LST1: variants seen among roughly 807,000 people sequenced by gnomAD.
The protein encoded by LST1 is leukocyte specific transcript 1, also known as leukocyte-specific transcript 1 protein.
In LST1, 9 loss-of-function variants were observed where a neutral mutation model predicts 8.5. The ratio of observed to expected loss-of-function variants is 1.06; its 90% CI spans 0.64 to 1.85. The LOEUF is 1.85. Ranked by LOEUF, LST1 falls within the 40% of genes most tolerant of loss-of-function variation. The pLI is 0.00. For missense variants in LST1, 121 were observed against 117.1 expected (o/e 1.03, Z -0.16); for synonymous variants, 53 against 50.4 (o/e 1.05, Z -0.21).
chr6:31,586,967 G>T, intron 1 of LST1: 1 of 481,296 alleles, frequency 2.1e-6, no homozygotes, highest in Non-Finnish European at 3.8e-6. Context: ...GAAAGGGCTG[G>T]GCTCTGGAGT....
At chr6:31,588,374 AAGAGAGAGAGAG>A (rs9279359) in intron 4 of LST1, 132 bp from the exon 5 acceptor site, 6 of 627,360 alleles carry the variant, frequency 9.6e-6, no homozygotes, top group African/African-American at 4.1e-5. Flanking sequence ...CCAAAGAAAA[AAGAGAGAGAGAG>A]AGAGAGAGAG....
At position 31,587,711 on chromosome 6, in the gene LST1, C is replaced by T. The variant is rs1315976258; in HGVS notation, c.90C>T (p.Cys30=). The T allele has an allele frequency of 2.5e-6, 4 of 1,602,310 alleles. No homozygotes were observed. The highest frequency in any genetic ancestry group is 1.3e-5 in the African/African-American group (1 of 74,746). The change falls in exon 3 of 5, where the codon TGC becomes TGT. Residue 30 remains cysteine, a synonymous_variant. Transcript: ENST00000438075. ...TGGCAGTGGTCCTTCTGTCCGCCTG[C>T]CTGTGTTGGCTGCATCGAAGAGGTG... The part of the protein sequence containing the change: ...LLLAVVLLSA[C]LCWLHRRVKR...
At chr6:31,586,396 G>A (rs913858404) in intron 1 of LST1, 81 bp downstream of exon 1, 1 of 152,234 alleles carries the variant, frequency 6.6e-6, no homozygotes, top group Non-Finnish European at 1.5e-5. Context: ...AGGGGAGGGA[G>A]AGTATGGGTT....
Position 31,588,730 on chromosome 6 carries a change from C to G in LST1, c.*54C>G. The stretch of plus-strand genomic sequence containing the variant: ...CGGGTGGACAGGGTCCCCCTGTGGT[C>G]CAGCCAGTAAAAACCATGGTCCCCC... On this transcript the variant is annotated 3_prime_UTR_variant, in exon 5 of 5. Transcript: ENST00000438075. 1 of 1,598,348 alleles carries G rather than the reference C, an allele frequency of 6.3e-7. No homozygotes were observed. The highest frequency in any genetic ancestry group is 8.6e-7 in the Non-Finnish European group (1 of 1,166,632).
chr6:31,588,207 AAAGAG>A, intron 4 of LST1: 1 of 578,080 alleles, frequency 1.7e-6, no homozygotes, highest in Non-Finnish European at 3.1e-6. Flanking sequence ...AGAGAGACAC[AAAGAG>A]AAGAGCAATG....
At chr6:31,588,166 G>A (rs933008881) in intron 4 of LST1, 200 bp downstream of exon 4, 3 of 590,540 alleles carry the variant, frequency 5.1e-6, no homozygotes, top group Non-Finnish European at 8.8e-6. Context: ...GTGAGACAGA[G>A]GATAGGAGAG....
At chr6:31,587,922 T>G (rs762708380) in intron 3 of LST1, 22 bp from the exon 4 acceptor site, 2 of 1,608,758 alleles carry the variant, frequency 1.2e-6, no homozygotes, top group African/African-American at 1.3e-5. Flanking sequence ...TGGGCTGTGT[T>G]GAGCTTCTTC....
In LST1 at chr6:31,588,540, AACTCC is replaced by A; in HGVS notation, c.162_166del (p.His55CysfsTer12). ...CAGGCCCAGGGCTCCTCAGAGCAGG[AACTCC>A]ACTATGCATCTCTGCAGAGGCTGCC... is the stretch of plus-strand genomic sequence containing the variant. On this transcript the variant is annotated frameshift_variant, in exon 5 of 5. Coordinates refer to ENST00000438075, the MANE Select transcript of LST1 (RefSeq NM_205839.3). LOFTEE classifies it low-confidence loss of function (END_TRUNC). The A allele has an allele frequency of 2.5e-6, 4 of 1,610,514 alleles. No homozygotes were observed. The highest frequency in any genetic ancestry group is 3.4e-6 in the Non-Finnish European group (4 of 1,178,864).
intron 2 of LST1, 77 bp from the exon 3 acceptor site, chr6:31,587,564 A>C (rs146938426): frequency 6.4e-6 from 6 of 944,072 alleles, no homozygotes; most frequent in South Asian, 3.1e-5. Flanking sequence ...GAATCTGAGA[A>C]AGCTGCAACC....
At position 31,588,375 on chromosome 6, in the gene LST1, AGAGAGAGAGAGAGAGAGAGAGAGAGAGG is replaced by A. The variant is rs1220263391; in HGVS notation, c.136-123_136-96del. 74 of 275,578 alleles carry A rather than the reference AGAGAGAGAGAGAGAGAGAGAGAGAGAGG, an allele frequency of 2.7e-4. No homozygotes were observed. In the African/African-American group the frequency reaches 3.4e-3, roughly 13 times the overall value. The allele number at this position is 275,578 out of a possible 1,614,324, so 17.1% of individuals were successfully genotyped here. A position where few individuals can be genotyped will look rare whatever the true frequency, so the allele number is the denominator to read the frequency against. ...GTGGGACTCTGTCTCCAAAGAAAAAAGAGAGAGAGAGAGAGAGAGAGAGAGAGGGAGAGAGAGAGAGAGAGAGGGAGAG... is the reference window on the plus strand; with the variant it reads ...GTGGGACTCTGTCTCCAAAGAAAAAAGAGAGAGAGAGAGAGAGAGGGAGAG... On this transcript the variant is annotated intron_variant, in intron 4 of 4. Transcript: ENST00000438075.
chr6:31,587,623 G>T lies in LST1; in HGVS notation c.20-18G>T. 6.6e-7 allele frequency: 1 copy of T among 1,508,996 alleles called. No individual in the cohort carries two copies. The highest frequency in any genetic ancestry group is 1.8e-5 in the Admixed American group (1 of 55,332). The allele number at this position is 1,508,996 out of a possible 1,614,324, so 93.5% of individuals were successfully genotyped here. Reference sequence around the variant, plus strand: ...GAGAAGGAATGGGCTTCCTAACCTTGAGCCCTCTTCCCTGAAGATATATGT... The same window carrying T: ...GAGAAGGAATGGGCTTCCTAACCTTTAGCCCTCTTCCCTGAAGATATATGT... On this transcript the variant is annotated intron_variant, in intron 2 of 4. Transcript: ENST00000438075.
intron 4 of LST1, chr6:31,588,288 C>T (rs1772187212): frequency 1.6e-6 from 1 of 612,646 alleles, no homozygotes. Flanking sequence ...TTCCAGCTAT[C>T]GCAAGGCTGA....
At chr6:31,587,785 A>G (rs1412399591) in intron 3 of LST1, 52 bp downstream of exon 3, 5 of 1,426,028 alleles carry the variant, frequency 3.5e-6, no homozygotes, top group Admixed American at 2.1e-5. Flanking sequence ...CTGTGCCCCC[A>G]CCCCCACACG....
intron 4 of LST1, 58 bp downstream of exon 4, chr6:31,588,024 G>A: frequency 6.5e-7 from 1 of 1,546,130 alleles, no homozygotes. Flanking sequence ...GGTGAGTGGG[G>A]AGAAGCATGG....
Position 31,588,609 on chromosome 6 carries a change from A to G in LST1, c.227A>G (p.Asp76Gly). The change falls in exon 5 of 5, where the codon GAC (aspartate) becomes GGC (glycine). Residue 76 changes from aspartate to glycine, a missense_variant. Physicochemically the swap from Asp to Gly is moderately conservative, Grantham distance 94. Transcript: ENST00000438075. ...GAGGGACCTGACCTCAGGGGCAGAGACAAGAGAGGCACCAAGGAGGATCCA... is the reference window on the plus strand; with the variant it reads ...GAGGGACCTGACCTCAGGGGCAGAGGCAAGAGAGGCACCAAGGAGGATCCA... ...SSEGPDLRGR[D>G]KRGTKEDPRA... The G allele has an allele frequency of 6.2e-7, 1 of 1,613,070 alleles. No homozygotes were observed. The highest frequency in any genetic ancestry group is 8.5e-7 in the Non-Finnish European group (1 of 1,180,012).
In LST1 at chr6:31,588,728, G is replaced by A. The variant is rs113035758; in HGVS notation, c.*52G>A. The A allele has an allele frequency of 1.5e-5, 24 of 1,598,178 alleles. 1 individual carries two copies. In the Middle Eastern group the frequency reaches 6.6e-4, roughly 44 times the overall value. Reference sequence around the variant, plus strand: ...GGCGGGTGGACAGGGTCCCCCTGTGGTCCAGCCAGTAAAAACCATGGTCCC... The same window carrying A: ...GGCGGGTGGACAGGGTCCCCCTGTGATCCAGCCAGTAAAAACCATGGTCCC... On this transcript the variant is annotated 3_prime_UTR_variant, in exon 5 of 5. Coordinates refer to ENST00000438075, the MANE Select transcript of LST1 (RefSeq NM_205839.3).
At chr6:31,587,815 GA>G in intron 3 of LST1, 82 bp downstream of exon 3, 1 of 1,515,474 alleles carries the variant, frequency 6.6e-7, no homozygotes, top group Non-Finnish European at 9.0e-7. Flanking sequence ...TGCTTTCCCA[GA>G]ACACTGCCTG....
rs775971687 is a variant in LST1, at chr6:31,588,694, C to T, written c.*18C>T. ...CCACCTGAGCACCCCAGACACCTTCCTCAACCCAGGCGGGTGGACAGGGTC... is the reference window on the plus strand; with the variant it reads ...CCACCTGAGCACCCCAGACACCTTCTTCAACCCAGGCGGGTGGACAGGGTC... On this transcript the variant is annotated 3_prime_UTR_variant, in exon 5 of 5. Transcript: ENST00000438075. The T allele has an allele frequency of 2.5e-6, 4 of 1,612,980 alleles. No homozygotes were observed. The highest frequency in any genetic ancestry group is 3.4e-6 in the Non-Finnish European group (4 of 1,180,006).
intron 1 of LST1, 188 bp from the exon 2 acceptor site, chr6:31,587,012 T>G: frequency 1.8e-6 from 1 of 554,546 alleles, no homozygotes; most frequent in Non-Finnish European, 3.2e-6. Flanking sequence ...AGCTCCACCT[T>G]TCTGGGATGG....
Sources: allele counts gnomAD v4.1 joint callset, GRCh38; gene constraint gnomAD v4.1.1; transcripts MANE v1.5; gene names NCBI Gene and HGNC (gene_info 2026-07-23, HGNC 2026-07-21).